ECE1: variants seen among roughly 807,000 people sequenced by gnomAD.
ECE1 encodes endothelin converting enzyme 1, also known as endothelin-converting enzyme 1.
In ECE1, 35 loss-of-function variants were observed where a neutral mutation model predicts 98.6. The ratio of observed to expected loss-of-function variants is 0.35; its 90% CI spans 0.27 to 0.47. The LOEUF is 0.47. Ranked by LOEUF, ECE1 falls within the 20% of genes least tolerant of loss-of-function variation. The probability of loss-of-function intolerance (pLI) is 1.00; values close to 1 mark genes in which losing one functional copy is unlikely to be tolerated. For missense variants in ECE1, 814 were observed against 1,025.3 expected (o/e 0.79, Z 2.81); for synonymous variants, 394 against 407.1 (o/e 0.97, Z 0.39).
chr1:21,266,079 C>A (rs1043499667), intron 4 of ECE1: 1 of 152,182 alleles, frequency 6.6e-6, no homozygotes, highest in African/African-American at 2.4e-5. Flanking sequence ...ATTGGAATGC[C>A]CTCTCCACAT....
At chr1:21,292,310 A>G (rs213047), upstream of ECE1, among the ~76,000 whole-genome samples, 1 of 149,150 alleles carries the variant, frequency 6.7e-6, no homozygotes, top group Admixed American at 6.7e-5. Context: ...CCCCTCCCCC[A>G]CCAACCTCCT....
rs2098217805 is a variant in ECE1 at position 21,254,790 on chromosome 1, G to A, written c.1020+1157C>T. On this transcript the variant is annotated intron_variant, in intron 8 of 18. Transcript: ENST00000374893. Reference sequence around the variant, plus strand: ...ATCCTGGTCTGAGCAGCACCACTGAGCCTCAGGCCAGTTTCTCTGGGAGCT... The same window carrying A: ...ATCCTGGTCTGAGCAGCACCACTGAACCTCAGGCCAGTTTCTCTGGGAGCT... Among the ~76,000 whole-genome samples, 4 of 152,338 alleles carry A rather than the reference G, an allele frequency of 2.6e-5. No homozygotes were observed. In the South Asian group the frequency reaches 8.3e-4, roughly 32 times the overall value.
rs527994533 is a variant in ECE1, at chr1:21,327,737, C to G, written c.3+17639G>C. Among the ~76,000 whole-genome samples the G allele has an allele frequency of 8.9e-4, 136 of 152,322 alleles. 1 individual carries two copies. Among genetic ancestry groups the G allele is most frequent in the African/African-American group, 3.2e-3 (132 of 41,572 alleles). On this transcript the variant is annotated intron_variant, in intron 1 of 18. Coordinates refer to the ECE1 transcript ENST00000415912. This position sits in a 1 kb window ranked among gnomAD's most constrained non-coding sequence, Gnocchi z 4.6. Reference sequence around the variant, plus strand: ...TACACAGCTGGGGTCCCCAGCCCCCCGGGCCTCAGACCAGTACCAGTCCAT... The same window carrying G: ...TACACAGCTGGGGTCCCCAGCCCCCGGGGCCTCAGACCAGTACCAGTCCAT...
intron 1 of ECE1, among the ~76,000 whole-genome samples, chr1:21,337,473 A>T (rs72868874): frequency 2.6e-4 from 40 of 152,362 alleles, no homozygotes; most frequent in African/African-American, 8.9e-4. Context: ...TCCAGGTAGT[A>T]TGCAGGTGTG....
At chr1:21,282,078 G>T (rs2098255206) in intron 2 of ECE1, among the ~76,000 whole-genome samples, 1 of 152,112 alleles carries the variant, frequency 6.6e-6, no homozygotes, top group African/African-American at 2.4e-5. Flanking sequence ...CTTGAGCCCA[G>T]GAGTTCAAGA....
At chr1:21,288,352 G>T (rs2098262865) in intron 2 of ECE1, among the ~76,000 whole-genome samples, 1 of 152,156 alleles carries the variant, frequency 6.6e-6, no homozygotes. Flanking sequence ...CATATAATAT[G>T]TATGACATCC....
intron 1 of ECE1, among the ~76,000 whole-genome samples, chr1:21,315,787 C>T (rs1225528528): frequency 8.1e-6 from 1 of 122,866 alleles, no homozygotes; most frequent in Admixed American, 8.9e-5. Flanking sequence ...AAGACTCTGT[C>T]TCAAAAAAAA....
At chr1:21,223,659 T>C (rs1366705737) in intron 17 of ECE1, among the ~76,000 whole-genome samples, 2 of 151,806 alleles carry the variant, frequency 1.3e-5, no homozygotes, top group Non-Finnish European at 2.9e-5. Flanking sequence ...AGAGACGGGG[T>C]TTCACTATCT....
At chr1:21,308,254 G>A (rs1638640550) in intron 1 of ECE1, among the ~76,000 whole-genome samples, 1 of 152,192 alleles carries the variant, frequency 6.6e-6, no homozygotes, top group Admixed American at 6.5e-5. Flanking sequence ...ATTTGTGCAT[G>A]CTCTGGAGAT....
intron 1 of ECE1, among the ~76,000 whole-genome samples, chr1:21,329,207 GAGTT>G (rs1639144260): frequency 6.6e-6 from 1 of 152,202 alleles, no homozygotes; most frequent in South Asian, 2.1e-4. Flanking sequence ...GACACTTACT[GAGTT>G]AGAACCTCTA....
At position 21,336,569 on chromosome 1, in the gene ECE1, G is replaced by A. The variant is rs554629218; in HGVS notation, c.3+8807C>T. ...AAATTAGTCGGCTGTGGCCGGGCGCGGTGGCTCACACCTGTAGTAATCCCA... is the reference window on the plus strand; with the variant it reads ...AAATTAGTCGGCTGTGGCCGGGCGCAGTGGCTCACACCTGTAGTAATCCCA... On this transcript the variant is annotated intron_variant, in intron 1 of 18. Coordinates refer to the ECE1 transcript ENST00000415912. Among the ~76,000 whole-genome samples the A allele has an allele frequency of 2.0e-5, 3 of 152,210 alleles. No individual in the cohort carries two copies. The East Asian group carries it at 5.8e-4, about 29-fold the overall frequency.
At chr1:21,318,399 T>A (rs1638878660) in intron 1 of ECE1, among the ~76,000 whole-genome samples, 2 of 152,004 alleles carry the variant, frequency 1.3e-5, no homozygotes, top group African/African-American at 2.4e-5. Flanking sequence ...ATTTCCTTCA[T>A]CCCTGCCCTT....
chr1:21,326,848 T>C (rs1639090043), intron 1 of ECE1, among the ~76,000 whole-genome samples: 1 of 151,512 alleles, frequency 6.6e-6, no homozygotes, highest in African/African-American at 2.4e-5. Flanking sequence ...ACAGAGAGGG[T>C]CTCCCCAGCC....
In ECE1 at chr1:21,225,076, C is replaced by G. The variant is rs1246668062; in HGVS notation, c.2040+174G>C. On this transcript the variant is annotated intron_variant, in intron 17 of 18. Transcript: ENST00000374893. This position sits in a 1 kb window ranked among gnomAD's most constrained non-coding sequence, Gnocchi z 5.3. ...GGTGCCAAGCCCTGTGGTGGGGGAG[C>G]CTCCACGGTCGGCATCGCGATTGGT... Among the ~76,000 whole-genome samples the G allele has an allele frequency of 6.6e-6, 1 of 152,212 alleles. No individual in the cohort carries two copies. The highest frequency in any genetic ancestry group is 1.5e-5 in the Non-Finnish European group (1 of 68,044).
chr1:21,227,609 C>A (rs2098176016), intron 15 of ECE1, among the ~76,000 whole-genome samples: 1 of 152,150 alleles, frequency 6.6e-6, no homozygotes, highest in Admixed American at 6.6e-5. Flanking sequence ...AATAGCAGAC[C>A]TGGGATTCAA....
At chr1:21,277,983 G>A (rs968232387) in intron 3 of ECE1, among the ~76,000 whole-genome samples, 4 of 152,116 alleles carry the variant, frequency 2.6e-5, no homozygotes, top group African/African-American at 9.7e-5. Context: ...CCACCCCAGC[G>A]CAGCGTGGCC....
intron 7 of ECE1, among the ~76,000 whole-genome samples, chr1:21,257,112 G>A (rs2098220848): frequency 6.6e-6 from 1 of 152,172 alleles, no homozygotes; most frequent in South Asian, 2.1e-4. Flanking sequence ...GTGACCTTGA[G>A]CAGATCACTT....
chr1:21,280,698 C>T (rs937072061), intron 2 of ECE1, among the ~76,000 whole-genome samples: 3 of 152,202 alleles, frequency 2.0e-5, no homozygotes, highest in Non-Finnish European at 4.4e-5. Flanking sequence ...AGGGGTGCCC[C>T]TGGTGCCGGG....
chr1:21,295,267 TG>T (rs1220142778), upstream of ECE1, among the ~76,000 whole-genome samples: 2 of 152,204 alleles, frequency 1.3e-5, no homozygotes, highest in African/African-American at 4.8e-5. Flanking sequence ...TCCCAGCACC[TG>T]GGGAGACCCA....
Sources: gnomAD v4.1 joint callset for allele counts (sites outside exome capture counted in the v4.1 genomes callset) on GRCh38, gnomAD v4.1.1 for gene constraint, Gnocchi (gnomAD v3.1) non-coding constraint, MANE v1.5 for transcripts, NCBI Gene and HGNC (gene_info 2026-07-23, HGNC 2026-07-21) for gene names.